Variants in SLC9A9 observed in about 807,000 individuals in gnomAD.
SLC9A9 encodes solute carrier family 9 member A9.
SLC9A9 carries 62 observed loss-of-function variants against 77.8 expected under a neutral mutation model. The ratio of observed to expected loss-of-function variants is 0.80; its 90% CI spans 0.65 to 0.98. The LOEUF is 0.98. Among genes scored for constraint, SLC9A9 ranks in the 50% least tolerant of loss-of-function variants. The pLI is 0.00. For synonymous variants in SLC9A9, 320 were observed against 283.5 expected (o/e 1.13, Z -1.29); for missense variants, 775 against 774.9 (o/e 1.00, Z 0.00).
chr3:143,646,123 T>G (rs948152309), intron 6 of SLC9A9, among the ~76,000 whole-genome samples: 13 of 152,218 alleles, frequency 8.5e-5, no homozygotes, highest in East Asian at 3.9e-4. Flanking sequence ...TGGGGATTTT[T>G]GGGACCAGAG....
intron 3 of SLC9A9, among the ~76,000 whole-genome samples, chr3:143,796,519 A>G (rs1157361195): frequency 1.3e-5 from 2 of 152,242 alleles, no homozygotes; most frequent in Non-Finnish European, 2.9e-5. Context: ...GGAAATATTT[A>G]CATTATTTGA....
At chr3:143,347,710 C>G (rs575954087) in intron 14 of SLC9A9, among the ~76,000 whole-genome samples, 5 of 152,160 alleles carry the variant, frequency 3.3e-5, no homozygotes, top group Non-Finnish European at 7.3e-5. Context: ...CACTCATCCA[C>G]AGTTGTTCTG....
At chr3:143,734,022 C>A (rs981241196) in intron 4 of SLC9A9, among the ~76,000 whole-genome samples, 4 of 152,046 alleles carry the variant, frequency 2.6e-5, no homozygotes, top group African/African-American at 9.7e-5. Context: ...CATAGCAAGA[C>A]CCTGTGTCTA....
intron 3 of SLC9A9, among the ~76,000 whole-genome samples, chr3:143,795,594 G>T (rs1223583438): frequency 2.0e-5 from 3 of 152,152 alleles, no homozygotes; most frequent in Non-Finnish European, 2.9e-5. Context: ...ACAGCCTGGT[G>T]GGTGGCTCAC....
At chr3:143,781,338 A>G (rs1213033327) in intron 4 of SLC9A9, among the ~76,000 whole-genome samples, 1 of 152,206 alleles carries the variant, frequency 6.6e-6, no homozygotes, top group East Asian at 1.9e-4. Context: ...ATAAAAGTAA[A>G]TTGGGGAAAT....
At chr3:143,449,702 T>C (rs867724289) in intron 12 of SLC9A9, among the ~76,000 whole-genome samples, 1 of 83,106 alleles carries the variant, frequency 1.2e-5, no homozygotes, top group Non-Finnish European at 2.0e-5. Context: ...AATTATATTA[T>C]ATAATTATAT....
intron 9 of SLC9A9, among the ~76,000 whole-genome samples, chr3:143,551,905 T>C (rs2036893820): frequency 6.6e-6 from 1 of 152,212 alleles, no homozygotes; most frequent in African/African-American, 2.4e-5. Flanking sequence ...AGATGTGTTC[T>C]TGGCATAAGG....
chr3:143,416,347 C>A (rs774329535), intron 12 of SLC9A9, among the ~76,000 whole-genome samples: 1 of 152,102 alleles, frequency 6.6e-6, no homozygotes, highest in Non-Finnish European at 1.5e-5. Context: ...CAGCACTGCA[C>A]GCTACAGAGA....
At chr3:143,291,970 T>C (rs1272738159) in intron 14 of SLC9A9, among the ~76,000 whole-genome samples, 1 of 152,212 alleles carries the variant, frequency 6.6e-6, no homozygotes, top group Non-Finnish European at 1.5e-5. Flanking sequence ...TCTAAGCCAG[T>C]GGGGATGGGC....
intron 11 of SLC9A9, among the ~76,000 whole-genome samples, chr3:143,476,885 T>C (rs2035486832): frequency 6.6e-6 from 1 of 152,174 alleles, no homozygotes; most frequent in South Asian, 2.1e-4. Flanking sequence ...TTCTGCAATG[T>C]TCAAGACAGT....
At chr3:143,800,215 A>G (rs1467023995) in intron 2 of SLC9A9, among the ~76,000 whole-genome samples, 3 of 151,942 alleles carry the variant, frequency 2.0e-5, no homozygotes, top group Non-Finnish European at 2.9e-5. Flanking sequence ...TTGGTGACCA[A>G]TCATGCACCC....
chr3:143,467,092 TGAA>T lies in SLC9A9; in HGVS notation c.1411_1413del (p.Phe471del). 2 of 1,614,076 alleles carry T rather than the reference TGAA, an allele frequency of 1.2e-6. No individual in the cohort carries two copies. The highest frequency in any genetic ancestry group is 1.7e-6 in the Non-Finnish European group (2 of 1,179,990). On this transcript the variant is annotated inframe_deletion, in exon 12 of 16. Coordinates refer to ENST00000316549, the MANE Select transcript of SLC9A9 (RefSeq NM_173653.4). ...GTTCCTCCTCCAAATACCCAGACAG[TGAA>T]GAACACGAGGAGCAGCGTAGTGGTA...
intron 4 of SLC9A9, among the ~76,000 whole-genome samples, chr3:143,763,240 G>A (rs1204707503): frequency 6.6e-6 from 1 of 152,144 alleles, no homozygotes; most frequent in African/African-American, 2.4e-5. Context: ...TGACATGCAT[G>A]AGAGTCAACC....
At chr3:143,405,545 G>C (rs1205731289) in intron 12 of SLC9A9, among the ~76,000 whole-genome samples, 1 of 152,148 alleles carries the variant, frequency 6.6e-6, no homozygotes, top group African/African-American at 2.4e-5. Context: ...TGAAAAGGTG[G>C]TGATTGGGTC....
intron 4 of SLC9A9, among the ~76,000 whole-genome samples, chr3:143,743,667 G>A (rs998787962): frequency 6.6e-6 from 1 of 152,144 alleles, no homozygotes; most frequent in Non-Finnish European, 1.5e-5. Flanking sequence ...ACTCAGTCCA[G>A]TAACTCACAT....
chr3:143,380,986 C>G (rs905983825), intron 13 of SLC9A9, among the ~76,000 whole-genome samples: 1 of 152,174 alleles, frequency 6.6e-6, no homozygotes, highest in Non-Finnish European at 1.5e-5. Flanking sequence ...ATGATATTCT[C>G]CTATTATATC....
At chr3:143,312,809 T>C (rs1043804483) in intron 14 of SLC9A9, among the ~76,000 whole-genome samples, 1 of 152,210 alleles carries the variant, frequency 6.6e-6, no homozygotes, top group African/African-American at 2.4e-5. Context: ...TTGTCTCTTA[T>C]ACCTCTGACC....
At chr3:143,414,406 C>T (rs1299892276) in intron 12 of SLC9A9, among the ~76,000 whole-genome samples, 1 of 152,210 alleles carries the variant, frequency 6.6e-6, no homozygotes, top group Non-Finnish European at 1.5e-5. Flanking sequence ...GCATTTTTAA[C>T]AAACTGCAAG....
chr3:143,783,428 G>A (rs544312229), intron 4 of SLC9A9, among the ~76,000 whole-genome samples: 2 of 152,178 alleles, frequency 1.3e-5, no homozygotes, highest in South Asian at 4.2e-4. Flanking sequence ...CTCAGATGAG[G>A]AGTCATTTCC....
Sources: gnomAD v4.1 joint callset for allele counts (sites outside exome capture counted in the v4.1 genomes callset) on GRCh38, gnomAD v4.1.1 for gene constraint, MANE v1.5 for transcripts, NCBI Gene and HGNC (gene_info 2026-07-23, HGNC 2026-07-21) for gene names.